The following CPNE2 variants were observed in gnomAD, a reference collection of about 807,000 sequenced individuals.
The protein encoded by CPNE2 is copine 2, also known as copine-2.
Under a neutral mutation model 69.7 loss-of-function variants are expected in CPNE2, and 42 were observed. That is an observed-to-expected ratio of 0.60 (90% CI 0.47 to 0.78). The LOEUF (loss-of-function observed/expected upper bound fraction) is 0.78. Among genes scored for constraint, CPNE2 ranks in the 30% least tolerant of loss-of-function variants. The probability of loss-of-function intolerance (pLI) is 0.00; values close to 1 mark genes in which losing one functional copy is unlikely to be tolerated. For missense variants in CPNE2, 587 were observed against 732.0 expected (o/e 0.80, Z 2.29); for synonymous variants, 294 against 289.8 (o/e 1.01, Z -0.15).
At chr16:57,101,947 T>C (rs1251979442) in intron 1 of CPNE2, among the ~76,000 whole-genome samples, 2 of 148,520 alleles carry the variant, frequency 1.3e-5, no homozygotes, top group African/African-American at 5.0e-5. Flanking sequence ...TGCATTTCTT[T>C]TTCTTTTTTT....
rs755472444 is a variant in CPNE2 at position 57,125,886 on chromosome 16, C to T, written c.954C>T (p.Asn318=). 40 of 1,614,038 alleles carry T rather than the reference C, an allele frequency of 2.5e-5. No individual in the cohort carries two copies. The highest frequency in any genetic ancestry group is 5.0e-5 in the Admixed American group (3 of 60,000). Residue 318 remains asparagine (N), a synonymous_variant, in exon 11 of 16, where the codon AAC becomes AAT. Coordinates refer to ENST00000290776, the MANE Select transcript of CPNE2 (RefSeq NM_152727.6). ...FTVGIDFTAS[N]GNPLDPSSLH... ...TTGGAATAGACTTTACAGCCTCCAA[C>T]GGGAATCCCCTCGACCCTTCCTCTT...
intron 10 of CPNE2, chr16:57,125,264 C>T (rs1458305239): frequency 2.2e-6 from 1 of 455,984 alleles, no homozygotes; most frequent in Non-Finnish European, 4.4e-6. Flanking sequence ...CCTGCCTTGT[C>T]TGCTGTTCCC....
chr16:57,123,657 G>A, intron 10 of CPNE2, 184 bp downstream of exon 10: 3 of 630,998 alleles, frequency 4.8e-6, no homozygotes, highest in South Asian at 1.9e-5. Context: ...TGCTGGGTGT[G>A]CCTGAGTTGG....
intron 1 of CPNE2, among the ~76,000 whole-genome samples, chr16:57,107,849 G>A (rs1387722613): frequency 6.6e-6 from 1 of 151,184 alleles, no homozygotes; most frequent in East Asian, 1.9e-4. Flanking sequence ...CCCTGCACGG[G>A]CTAAGACAGA....
chr16:57,129,679 C>T (rs529072104), intron 12 of CPNE2, among the ~76,000 whole-genome samples: 7 of 152,214 alleles, frequency 4.6e-5, no homozygotes, highest in Middle Eastern at 3.4e-3. Context: ...ATTAGCCCAG[C>T]GTGGTGGCAC....
In CPNE2 at chr16:57,092,622, C is replaced by G. The variant is rs2069550841; in HGVS notation, c.-204C>G. On this transcript the variant is annotated 5_prime_UTR_variant, in exon 1 of 16. Transcript: ENST00000290776. This position sits in a 1 kb window ranked among gnomAD's most constrained non-coding sequence, Gnocchi z 5.3. ...CCCGGGAGGAGGACCGGACCCCGAG[C>G]GGCTGGGAGCGCACGCGAGCGGGCC... The G allele has an allele frequency of 1.3e-5, 2 of 149,090 alleles. No homozygotes were observed. The highest frequency in any genetic ancestry group is 4.9e-5 in the African/African-American group (2 of 40,988). The allele number at this position is 149,090 out of a possible 1,614,324, so 9.2% of individuals were successfully genotyped here.
intron 6 of CPNE2, 107 bp from the exon 7 acceptor site, chr16:57,119,454 T>C: frequency 2.6e-6 from 3 of 1,140,188 alleles, no homozygotes; most frequent in Non-Finnish European, 3.9e-6. Context: ...TCTCTGGAAG[T>C]GTGGCTGTGG....
chr16:57,125,520 G>A, intron 10 of CPNE2: 1 of 384,696 alleles, frequency 2.6e-6, no homozygotes, highest in Admixed American at 3.5e-5. Context: ...GGCTCTGCAT[G>A]CAGAGCGAAG....
intron 10 of CPNE2, chr16:57,125,076 G>A (rs542532379): frequency 9.4e-5 from 31 of 330,944 alleles, no homozygotes; most frequent in African/African-American, 5.2e-4. Context: ...GAGTTCCCAT[G>A]TAGCCAAATC....
At chr16:57,101,510 C>G (rs1426690085) in intron 1 of CPNE2, among the ~76,000 whole-genome samples, 2 of 152,222 alleles carry the variant, frequency 1.3e-5, no homozygotes, top group Non-Finnish European at 2.9e-5. Context: ...GTTGCAAACT[C>G]AGAAGTCTAC....
rs546229283 is a variant in CPNE2 at position 57,104,057 on chromosome 16, A to G, written c.-35-6651A>G. ...TCAGCTTCCCGAGTAGCTGGGATTAAGGGCACACACCACCACGCCCAGCTA... is the reference window on the plus strand; with the variant it reads ...TCAGCTTCCCGAGTAGCTGGGATTAGGGGCACACACCACCACGCCCAGCTA... On this transcript the variant is annotated intron_variant, in intron 1 of 15. Transcript: ENST00000290776. Among the ~76,000 whole-genome samples the G allele has an allele frequency of 7.2e-5, 11 of 152,220 alleles. No individual in the cohort carries two copies. The East Asian group carries it at 2.1e-3, about 29-fold the overall frequency.
intron 2 of CPNE2, chr16:57,113,002 G>T (rs903476409): frequency 3.4e-6 from 1 of 295,874 alleles, no homozygotes; most frequent in Non-Finnish European, 6.3e-6. Flanking sequence ...TGGCACCTGG[G>T]TAGGGAGCCA....
intron 1 of CPNE2, among the ~76,000 whole-genome samples, chr16:57,101,486 C>T (rs2069613352): frequency 6.6e-6 from 1 of 152,228 alleles, no homozygotes; most frequent in African/African-American, 2.4e-5. Flanking sequence ...AGAGCATTCT[C>T]ATCCAGACTA....
At position 57,115,456 on chromosome 16, in the gene CPNE2, CT is replaced by C; in HGVS notation, c.361-17del. Reference sequence around the variant, plus strand: ...TTCCCCCGCTTCCTCACTGAGCGCCCTTTCTCCTCTCTCCCCTAGATCGTCT... The same window carrying C: ...TTCCCCCGCTTCCTCACTGAGCGCCCTTCTCCTCTCTCCCCTAGATCGTCT... On this transcript the variant is annotated intron_variant, in intron 3 of 15. Transcript: ENST00000290776. The C allele has an allele frequency of 6.3e-7, 1 of 1,598,134 alleles. No individual in the cohort carries two copies. Among genetic ancestry groups the C allele is most frequent in the East Asian group, 2.3e-5 (1 of 44,140 alleles).
chr16:57,148,052 A>C lies in CPNE2; in HGVS notation c.*394A>C. On this transcript the variant is annotated 3_prime_UTR_variant, in exon 16 of 16. Coordinates refer to ENST00000290776, the MANE Select transcript of CPNE2 (RefSeq NM_152727.6). ...ACGTGTCGTAGCCTGCACCTAATTA[A>C]TTCCTGCTGTTTTTTTAATACTGTG... The C allele has an allele frequency of 6.1e-6, 1 of 162,620 alleles. No individual in the cohort carries two copies. Among genetic ancestry groups the C allele is most frequent in the Non-Finnish European group, 1.3e-5 (1 of 74,966 alleles). The allele number at this position is 162,620 out of a possible 1,614,324, so 10.1% of individuals were successfully genotyped here.
intron 4 of CPNE2, among the ~76,000 whole-genome samples, chr16:57,116,825 G>T (rs1375213589): frequency 7.9e-5 from 12 of 152,178 alleles, no homozygotes; most frequent in African/African-American, 2.9e-4. Flanking sequence ...CGCTGGGTGA[G>T]GCCATCCTAG....
At chr16:57,104,884 CAGCAA>C (rs1384271997) in intron 1 of CPNE2, among the ~76,000 whole-genome samples, 1 of 152,112 alleles carries the variant, frequency 6.6e-6, no homozygotes, top group Non-Finnish European at 1.5e-5. Context: ...GAGAGCCTGA[CAGCAA>C]AGGGAGGCCA....
intron 1 of CPNE2, among the ~76,000 whole-genome samples, chr16:57,099,607 C>CT (rs148925934): frequency 0.062 from 8,952 of 144,052 alleles, 500 homozygotes; most frequent in East Asian, 0.13. Context: ...GTGCATAGTG[C>CT]TTTTTTTTTT....
Position 57,137,271 on chromosome 16 carries a change from C to T in CPNE2, c.1291C>T (p.Arg431Trp), listed in dbSNP as rs769031872. The change falls in exon 14 of 16, where the codon CGG becomes TGG. Residue 431 changes from arginine to tryptophan, a missense_variant. Arg to Trp is a moderately radical substitution (Grantham distance 101). Around this residue, in one of 5 missense-constraint regions of CPNE2, gnomAD observed 185 missense variants for 252.3 expected, o/e 0.73. Transcript: ENST00000290776. ...ARFAAQATQQ[R>W]TATQYFILLI... ...GTTTGCGGCCCAGGCCACACAACAGCGGACGGCCACGGTGAGTAGGCAGCT... is the reference window on the plus strand; with the variant it reads ...GTTTGCGGCCCAGGCCACACAACAGTGGACGGCCACGGTGAGTAGGCAGCT... 13 of 1,613,920 alleles carry T rather than the reference C, an allele frequency of 8.1e-6. No homozygotes were observed. The highest frequency in any genetic ancestry group is 4.0e-5 in the African/African-American group (3 of 74,936).
Sources: gnomAD v4.1 joint callset for allele counts (sites outside exome capture counted in the v4.1 genomes callset) on GRCh38, gnomAD v4.1.1 for gene constraint, gnomAD v4.1.1 regional missense constraint, Gnocchi (gnomAD v3.1) non-coding constraint, MANE v1.5 for transcripts, NCBI Gene and HGNC (gene_info 2026-07-23, HGNC 2026-07-21) for gene names.